ZC3H13: variants seen among roughly 807,000 people sequenced by gnomAD.
ZC3H13 encodes the protein zinc finger CCCH domain-containing protein 13.
A neutral mutation model predicts 204.1 loss-of-function variants in ZC3H13; 64 were observed. That is an observed-to-expected ratio of 0.31 (90% CI 0.26 to 0.39). ZC3H13 has a LOEUF of 0.39. Ranked by LOEUF, ZC3H13 falls within the 10% of genes least tolerant of loss-of-function variation. The pLI is 1.00. For synonymous variants in ZC3H13, 667 were observed against 693.7 expected, an observed-to-expected ratio of 0.96 and a Z score of 0.60; for missense variants, 1,833 against 2,082.7, an observed-to-expected ratio of 0.88 and a Z score of 2.33.
At chr13:45,965,531 G>A in intron 15 of ZC3H13, 99 bp from the exon 16 acceptor site, 3 of 1,104,966 alleles carry the variant, frequency 2.7e-6, no homozygotes, top group Non-Finnish European at 1.2e-6. Flanking sequence ...ATAACAATGT[G>A]AAAAACATCT....
In ZC3H13 at chr13:45,969,455, C is replaced by T. The variant is rs752235431; in HGVS notation, c.3089G>A (p.Gly1030Asp). Reference protein sequence around the residue: ...EAAQQSKKKRGPRTPPITTKE... With the variant: ...EAAQQSKKKRDPRTPPITTKE... ...AGTTGTTATAGGGGGAGTCCGTGGG[C>T]CTCTTTTCTTCTTACTTTGCTGGGC... is the stretch of plus-strand genomic sequence containing the variant. The change falls in exon 14 of 19, where the codon GGC becomes GAC. Residue 1030 changes from glycine to aspartate, a missense_variant. Around this residue, in one of 5 missense-constraint regions of ZC3H13, gnomAD observed 1,574 missense variants for 1,757.2 expected, o/e 0.90. Transcript: ENST00000679008. 2 of 1,613,606 alleles carry T rather than the reference C, an allele frequency of 1.2e-6. No homozygotes were observed. Among genetic ancestry groups the T allele is most frequent in the Non-Finnish European group, 1.7e-6 (2 of 1,179,910 alleles).
intron 1 of ZC3H13, among the ~76,000 whole-genome samples, chr13:46,048,995 T>C (rs1167374326): frequency 2.0e-5 from 3 of 151,378 alleles, no homozygotes; most frequent in African/African-American, 7.3e-5. Context: ...CTACTAAAAA[T>C]ACAAAAATTA....
chr13:46,043,967 C>A (rs541762852), intron 3 of ZC3H13, among the ~76,000 whole-genome samples: 1 of 151,848 alleles, frequency 6.6e-6, no homozygotes. Flanking sequence ...AGTAAACACA[C>A]ATATACAATA....
At chr13:45,959,235 CT>C (rs1298023946) in intron 18 of ZC3H13, among the ~76,000 whole-genome samples, 1 of 152,030 alleles carries the variant, frequency 6.6e-6, no homozygotes, top group East Asian at 1.9e-4. Flanking sequence ...TTGTTGAAAG[CT>C]TTTCACAAAA....
intron 9 of ZC3H13, among the ~76,000 whole-genome samples, 196 bp from the exon 10 acceptor site, chr13:45,985,957 G>GA (rs1481516439): frequency 6.6e-6 from 1 of 152,096 alleles, no homozygotes; most frequent in Non-Finnish European, 1.5e-5. Context: ...CTCCGAACAT[G>GA]AATTTCCTCT....
intron 7 of ZC3H13, among the ~76,000 whole-genome samples, chr13:46,008,528 T>C (rs910227262): frequency 6.6e-6 from 1 of 152,090 alleles, no homozygotes; most frequent in Non-Finnish European, 1.5e-5. Context: ...GTGTTACTAA[T>C]AAAGAAGCAA....
chr13:45,981,300 C>T (rs1188751645), intron 10 of ZC3H13, among the ~76,000 whole-genome samples: 2 of 152,296 alleles, frequency 1.3e-5, no homozygotes, highest in Non-Finnish European at 2.9e-5. Flanking sequence ...CATGTCCCTA[C>T]AAAGGACATG....
intron 4 of ZC3H13, among the ~76,000 whole-genome samples, chr13:46,035,975 A>G (rs2043185233): frequency 6.6e-6 from 1 of 152,130 alleles, no homozygotes; most frequent in Admixed American, 6.6e-5. Context: ...CAGAAATATC[A>G]AGATGGCAGA....
rs1952927919 is a variant in ZC3H13, at chr13:45,975,318, C to T, written c.2433G>A (p.Arg811=). The change falls in exon 12 of 19, where the codon AGG becomes AGA. Residue 811 remains arginine, a synonymous_variant. Coordinates refer to ENST00000679008, the MANE Select transcript of ZC3H13 (RefSeq NM_001330564.2). ...REKREEIRED[R]NPRDGHDERK... is the part of the protein sequence containing the mutation. Reference sequence around the variant, plus strand: ...TTTCATCATGTCCATCTCTTGGATTCCTATCTTCTCGGATCTCTTCTCGCT... The same window carrying T: ...TTTCATCATGTCCATCTCTTGGATTTCTATCTTCTCGGATCTCTTCTCGCT... 12 of 1,613,620 alleles carry T rather than the reference C, an allele frequency of 7.4e-6. No individual in the cohort carries two copies. In the East Asian group the frequency reaches 2.7e-4, roughly 36 times the overall value.
At chr13:46,028,766 A>G (rs1175816122) in intron 4 of ZC3H13, among the ~76,000 whole-genome samples, 1 of 152,194 alleles carries the variant, frequency 6.6e-6, no homozygotes, top group African/African-American at 2.4e-5. Context: ...ATGAAAATAA[A>G]AATATAACTT....
chr13:46,027,232 G>C (rs1185113831), intron 4 of ZC3H13, among the ~76,000 whole-genome samples: 4 of 152,098 alleles, frequency 2.6e-5, no homozygotes, highest in African/African-American at 9.7e-5. Context: ...AGCCTCCCGG[G>C]TAGCTGGGAC....
In ZC3H13 at chr13:45,969,217, A is replaced by C; in HGVS notation, c.3327T>G (p.Thr1109=). ...TTGCAGGCACAGTTGTAGCAGTGGCAGTAGCCACAGGCGGTGGAGGAGGAA... is the reference window on the plus strand; with the variant it reads ...TTGCAGGCACAGTTGTAGCAGTGGCCGTAGCCACAGGCGGTGGAGGAGGAA... ...SLLPPPPPVA[T]ATATTVPATL... is the part of the protein sequence containing the mutation. The change falls in exon 14 of 19, where the codon ACT becomes ACG. Residue 1109 remains threonine, a synonymous_variant. Coordinates refer to ENST00000679008, the MANE Select transcript of ZC3H13 (RefSeq NM_001330564.2). 6.2e-7 allele frequency: 1 copy of C among 1,613,948 alleles called. No homozygotes were observed.
rs746095264 is a variant in ZC3H13, at chr13:45,985,709, A to G, written c.1308T>C (p.Tyr436=). The change falls in exon 10 of 19, where the codon TAT becomes TAC. Residue 436 remains tyrosine, a synonymous_variant. Coordinates refer to ENST00000679008, the MANE Select transcript of ZC3H13 (RefSeq NM_001330564.2). ...CTCTAGAAGAGCTCTGATCCTGTTC[A>G]TATTCTCGTTCTTCTCTTGAGTCCT... ...REKDSREERE[Y]EQDQSSSRDH... 3 of 1,613,338 alleles carry G rather than the reference A, an allele frequency of 1.9e-6. No homozygotes were observed. The highest frequency in any genetic ancestry group is 1.7e-4 in the Middle Eastern group (1 of 6,060).
At position 45,986,434 on chromosome 13, in the gene ZC3H13, T is replaced by C. The variant is rs559005025; in HGVS notation, c.1256-673A>G. On this transcript the variant is annotated intron_variant, in intron 9 of 18. Transcript: ENST00000679008. ...ATAGGAAGATGAGACTTTTTCTCTT[T>C]AAAATGAACGAACAAAAAAGCATTT... Among the ~76,000 whole-genome samples, 50 of 152,288 alleles carry C rather than the reference T, an allele frequency of 3.3e-4. 1 individual carries two copies. The South Asian group carries it at 0.01, about 32-fold the overall frequency.
rs748480308 is a variant in ZC3H13, at chr13:46,020,569, C to T, written c.340-12G>A. 2.0e-6 allele frequency: 3 copies of T among 1,527,518 alleles called. No homozygotes were observed. Among genetic ancestry groups the T allele is most frequent in the South Asian group, 2.3e-5 (2 of 85,414 alleles). 94.6% of individuals were successfully genotyped at this position (1,527,518 alleles called of 1,614,324 possible). On this transcript the variant is annotated splice_polypyrimidine_tract_variant and intron_variant, in intron 4 of 18. Coordinates refer to ENST00000679008, the MANE Select transcript of ZC3H13 (RefSeq NM_001330564.2). ...CTTGAAGATTCTTTCTAAAAAAGTA[C>T]ATACATACATTCAGATTACTATATT... is the stretch of plus-strand genomic sequence containing the variant.
intron 12 of ZC3H13, among the ~76,000 whole-genome samples, chr13:45,974,216 A>G (rs1164925786): frequency 6.6e-6 from 1 of 152,190 alleles, no homozygotes; most frequent in African/African-American, 2.4e-5. Flanking sequence ...AAATTGACCA[A>G]TCTGAGTCTA....
intron 5 of ZC3H13, 32 bp from the exon 6 acceptor site, chr13:46,011,586 C>G: frequency 6.6e-7 from 1 of 1,508,390 alleles, no homozygotes; most frequent in African/African-American, 1.4e-5. Flanking sequence ...CTGTTAGAAA[C>G]TAGCATAATT....
chr13:45,963,056 T>C (rs1951806807), intron 17 of ZC3H13: 2 of 984,472 alleles, frequency 2.0e-6, no homozygotes, highest in Non-Finnish European at 2.4e-6. Flanking sequence ...TGGGTATTAC[T>C]ATATGCCAGG....
Position 45,965,340 on chromosome 13 carries a change from C to T in ZC3H13, c.4414G>A (p.Glu1472Lys). 1 of 1,613,752 alleles carries T rather than the reference C, an allele frequency of 6.2e-7. No individual in the cohort carries two copies. The highest frequency in any genetic ancestry group is 8.5e-7 in the Non-Finnish European group (1 of 1,179,790). ...TTTTCTGCATCACCTGCCAGAATTT[C>T]ATCTAGTTCGTCATCACTGATTGGC... ...YEPISDDELD[E>K]ILAGDAEKRE... is the part of the protein sequence containing the mutation. The change falls in exon 16 of 19, where the codon GAA becomes AAA. Residue 1472 changes from glutamate (E) to lysine (K), a missense_variant. Transcript: ENST00000679008.
Sources: gnomAD v4.1 joint callset for allele counts (sites outside exome capture counted in the v4.1 genomes callset) on GRCh38, gnomAD v4.1.1 for gene constraint, gnomAD v4.1.1 regional missense constraint, MANE v1.5 for transcripts, NCBI Gene and HGNC (gene_info 2026-07-23, HGNC 2026-07-21) for gene names.